The following TANC2 variants were observed in gnomAD, a reference collection of about 807,000 sequenced individuals.
TANC2 encodes the protein protein TANC2.
TANC2 carries 26 observed loss-of-function variants against 210.5 expected under a neutral mutation model. The ratio of observed to expected loss-of-function variants is 0.12; its 90% CI spans 0.09 to 0.17. The LOEUF (loss-of-function observed/expected upper bound fraction) is 0.17. Ranked by LOEUF, TANC2 falls within the 10% of genes least tolerant of loss-of-function variation. The pLI, the probability that TANC2 is intolerant of heterozygous loss-of-function variation, is 1.00. For synonymous variants in TANC2, 931 were observed against 967.1 expected (o/e 0.96, Z 0.69); for missense variants, 2,129 against 2,608.9 (o/e 0.82, Z 4.01).
chr17:63,307,783 T>A (rs918854967), intron 9 of TANC2, among the ~76,000 whole-genome samples: 1 of 152,192 alleles, frequency 6.6e-6, no homozygotes, highest in African/African-American at 2.4e-5. Context: ...TTGTTGTTTT[T>A]GAGACAGAGT....
intron 2 of TANC2, among the ~76,000 whole-genome samples, chr17:63,019,093 G>A (rs2034239308): frequency 6.6e-6 from 1 of 152,120 alleles, no homozygotes; most frequent in Non-Finnish European, 1.5e-5. Context: ...TGTTTTAATT[G>A]CATGTTAATT....
intron 12 of TANC2, among the ~76,000 whole-genome samples, chr17:63,350,883 A>G (rs964548449): frequency 5.9e-5 from 9 of 151,982 alleles, no homozygotes; most frequent in Non-Finnish European, 1.2e-4. Flanking sequence ...AGGGAAAAAA[A>G]AAAAAAAAAA....
Position 62,987,055 on chromosome 17 carries a change from A to T in TANC2, c.-24+20306A>T, listed in dbSNP as rs190632952. On this transcript the variant is annotated intron_variant, in intron 1 of 27. Transcript: ENST00000689528. ...TGAACATGTAGCTATTCTACAACAT[A>T]TCAGCTACTCAGAGACTTGAGGGCC... 5.5e-3 allele frequency among the ~76,000 whole-genome samples: 833 copies of T among 152,246 alleles called. 1 individual carries two copies. The highest frequency in any genetic ancestry group is 8.4e-3 in the Non-Finnish European group (572 of 68,000).
At chr17:63,177,645 T>C (rs1250463978) in intron 5 of TANC2, among the ~76,000 whole-genome samples, 1 of 152,122 alleles carries the variant, frequency 6.6e-6, no homozygotes, top group Non-Finnish European at 1.5e-5. Context: ...CAAGTATTGG[T>C]TGAAATGGCT....
chr17:63,425,225 T>C (rs2049115703), exon 28 of TANC2: 1 of 152,200 alleles, frequency 6.6e-6, no homozygotes, highest in South Asian at 2.1e-4. Flanking sequence ...TAACTTAAAC[T>C]CGATGGCTCA....
At chr17:63,023,851 C>G (rs1373473476) in intron 2 of TANC2, among the ~76,000 whole-genome samples, 1 of 152,122 alleles carries the variant, frequency 6.6e-6, no homozygotes, top group East Asian at 1.9e-4. Context: ...GTGCTAAGAA[C>G]TTTGAAATTG....
chr17:63,314,363 T>C, intron 9 of TANC2, 25 bp from the exon 10 acceptor site: 1 of 1,608,454 alleles, frequency 6.2e-7, no homozygotes, highest in Non-Finnish European at 8.5e-7. Context: ...TTGACCTAAG[T>C]TCTGCATTCT....
chr17:63,025,069 G>A (rs2034496327), intron 2 of TANC2, among the ~76,000 whole-genome samples: 2 of 152,104 alleles, frequency 1.3e-5, no homozygotes, highest in South Asian at 2.1e-4. Flanking sequence ...AAATATGTCA[G>A]TTTCCTATAT....
At chr17:63,069,383 C>T (rs142620311) in intron 2 of TANC2, among the ~76,000 whole-genome samples, 15 of 152,118 alleles carry the variant, frequency 9.9e-5, no homozygotes, top group Non-Finnish European at 1.8e-4. Flanking sequence ...TTGTAACAAC[C>T]AAAAATGTCC....
At position 63,412,564 on chromosome 17, in the gene TANC2, T is replaced by G. The variant is rs952237518; in HGVS notation, c.3899-116T>G. ...ACCTATAGACGAGGGTTGGCTGATATGCTGGCTTTGTGCTGCCTGCCTCTC... is the reference window on the plus strand; with the variant it reads ...ACCTATAGACGAGGGTTGGCTGATAGGCTGGCTTTGTGCTGCCTGCCTCTC... On this transcript the variant is annotated intron_variant, in intron 23 of 27. Coordinates refer to ENST00000689528, the Ensembl canonical transcript of TANC2. This position sits in a 1 kb window ranked among gnomAD's most constrained non-coding sequence, Gnocchi z 4.2. The G allele has an allele frequency of 4.0e-6, 4 of 990,670 alleles. No individual in the cohort carries two copies. The highest frequency in any genetic ancestry group is 6.1e-6 in the Non-Finnish European group (4 of 661,122). 61.4% of individuals were successfully genotyped at this position (990,670 alleles called of 1,614,324 possible). A position where few individuals can be genotyped will look rare whatever the true frequency, so the allele number is the denominator to read the frequency against.
intron 3 of TANC2, chr17:63,088,555 C>G (rs1247559434): frequency 2.0e-5 from 3 of 152,206 alleles, no homozygotes; most frequent in African/African-American, 7.2e-5. Flanking sequence ...CCAGTCAGTG[C>G]TGTTGTCGAG....
At position 63,314,978 on chromosome 17, in the gene TANC2, G is replaced by T. The variant is rs73994431; in HGVS notation, c.1441+309G>T. 4.7e-3 allele frequency among the ~76,000 whole-genome samples: 715 copies of T among 152,236 alleles called. 8 individuals carry two copies. Among genetic ancestry groups the T allele is most frequent in the African/African-American group, 0.016 (664 of 41,542 alleles). ...GCAGCAATTGCCCGTAGAGCAATTTGCATTCATCACTGTTGGATTTTGCTC... is the reference window on the plus strand; with the variant it reads ...GCAGCAATTGCCCGTAGAGCAATTTTCATTCATCACTGTTGGATTTTGCTC... On this transcript the variant is annotated intron_variant, in intron 10 of 27. Coordinates refer to ENST00000689528, the Ensembl canonical transcript of TANC2.
intron 1 of TANC2, among the ~76,000 whole-genome samples, chr17:63,003,752 GTTTTC>G (rs2033488064): frequency 6.6e-6 from 1 of 152,182 alleles, no homozygotes; most frequent in South Asian, 2.1e-4. Flanking sequence ...TGGCTTGCCT[GTTTTC>G]TTTAATGTTA....
chr17:63,042,623 C>T (rs1306842321), intron 2 of TANC2, among the ~76,000 whole-genome samples: 1 of 152,098 alleles, frequency 6.6e-6, no homozygotes, highest in Non-Finnish European at 1.5e-5. Context: ...TCGATTACAG[C>T]ATGAAAACAA....
intron 11 of TANC2, among the ~76,000 whole-genome samples, chr17:63,330,439 T>C (rs2045799490): frequency 6.6e-6 from 1 of 152,132 alleles, no homozygotes; most frequent in Non-Finnish European, 1.5e-5. Context: ...TCTGAGACTT[T>C]ATTTTAAAAA....
chr17:63,327,502 A>G (rs1269360008), intron 11 of TANC2, among the ~76,000 whole-genome samples: 1 of 152,222 alleles, frequency 6.6e-6, no homozygotes, highest in Non-Finnish European at 1.5e-5. Flanking sequence ...TATTTTTTTA[A>G]AAAAGCAGTT....
At chr17:63,020,103 T>C (rs2034284086) in intron 2 of TANC2, among the ~76,000 whole-genome samples, 1 of 152,204 alleles carries the variant, frequency 6.6e-6, no homozygotes, top group Admixed American at 6.5e-5. Flanking sequence ...ATTTTTTATA[T>C]TTTCAGTAGA....
At chr17:62,990,485 A>G (rs1047732840) in intron 1 of TANC2, among the ~76,000 whole-genome samples, 4 of 151,316 alleles carry the variant, frequency 2.6e-5, no homozygotes, top group African/African-American at 9.7e-5. Flanking sequence ...AGCTCTCCCT[A>G]TGTTGCCCAG....
chr17:63,345,377 TG>T, intron 12 of TANC2, among the ~76,000 whole-genome samples: 1 of 152,142 alleles, frequency 6.6e-6, no homozygotes, highest in Non-Finnish European at 1.5e-5. Flanking sequence ...CCCAACACTT[TG>T]GGAGGCCAAC....
Sources: allele counts gnomAD v4.1 joint callset (sites outside exome capture counted in the v4.1 genomes callset), GRCh38; gene constraint gnomAD v4.1.1; non-coding constraint Gnocchi (gnomAD v3.1); transcripts MANE v1.5; gene names NCBI Gene and HGNC (gene_info 2026-07-23, HGNC 2026-07-21).